Variants in ALDH1A2 observed in about 807,000 individuals in gnomAD.
ALDH1A2 encodes the protein aldehyde dehydrogenase 1 family member A2.
Under a neutral mutation model 60.3 loss-of-function variants are expected in ALDH1A2, and 27 were observed. The observed-to-expected ratio is 0.45, with a 90% CI of 0.33 to 0.62. The LOEUF (loss-of-function observed/expected upper bound fraction) is 0.62. ALDH1A2 is among the 20% of genes least tolerant of loss of function. ALDH1A2 has a pLI of 0.02. For synonymous variants in ALDH1A2, 289 were observed against 232.4 expected (o/e 1.24, Z -2.21); for missense variants, 581 against 643.8 (o/e 0.90, Z 1.06).
At chr15:58,044,351 TG>T (rs1446570448) in intron 1 of ALDH1A2, among the ~76,000 whole-genome samples, 1 of 151,918 alleles carries the variant, frequency 6.6e-6, no homozygotes, top group East Asian at 1.9e-4. Flanking sequence ...TTCCCCTCCC[TG>T]TGTCCACGGG....
chr15:58,007,319 A>T (rs12591715), intron 4 of ALDH1A2, among the ~76,000 whole-genome samples: 11,727 of 152,018 alleles, frequency 0.077, 466 homozygotes, highest in East Asian at 0.13. Context: ...AATAAACCAT[A>T]TATTAGTATA....
At chr15:57,965,651 T>C in intron 8 of ALDH1A2, 74 bp downstream of exon 8, 1 of 1,093,692 alleles carries the variant, frequency 9.1e-7, no homozygotes. Context: ...TAGTGTCCCA[T>C]CAAAAGTGGA....
chr15:57,961,864 C>A, intron 10 of ALDH1A2, 148 bp downstream of exon 10: 1 of 1,151,248 alleles, frequency 8.7e-7, no homozygotes, highest in South Asian at 1.4e-5. Flanking sequence ...CTTCTTGAAA[C>A]TGGAATTTTC....
intron 4 of ALDH1A2, among the ~76,000 whole-genome samples, chr15:57,997,578 C>T (rs965598832): frequency 1.3e-5 from 2 of 152,088 alleles, no homozygotes; most frequent in South Asian, 2.1e-4. Context: ...AAGGCAACTA[C>T]ACAAGCACTG....
At chr15:58,001,503 G>A (rs770003374) in intron 4 of ALDH1A2, among the ~76,000 whole-genome samples, 3 of 151,984 alleles carry the variant, frequency 2.0e-5, no homozygotes, top group East Asian at 1.9e-4. Flanking sequence ...AGGACTAAGC[G>A]CCTCTCTCCC....
intron 7 of ALDH1A2, among the ~76,000 whole-genome samples, chr15:57,971,377 T>G (rs1307827970): frequency 6.6e-6 from 1 of 152,208 alleles, no homozygotes; most frequent in African/African-American, 2.4e-5. Context: ...ATTGTGCTTG[T>G]TTAATAGCTG....
chr15:58,025,507 G>A (rs1896056859), intron 1 of ALDH1A2, among the ~76,000 whole-genome samples: 1 of 152,242 alleles, frequency 6.6e-6, no homozygotes, highest in South Asian at 2.1e-4. Flanking sequence ...CAGCAATATT[G>A]AATCAGTAAT....
At chr15:57,978,444 CAT>C (rs1176726064) in intron 7 of ALDH1A2, among the ~76,000 whole-genome samples, 1 of 152,178 alleles carries the variant, frequency 6.6e-6, no homozygotes, top group African/African-American at 2.4e-5. Context: ...CTGAGATAAT[CAT>C]GTGGTTTTTG....
chr15:58,010,660 G>C lies in ALDH1A2; in HGVS notation c.482C>G (p.Thr161Ser), dbSNP rs902141007. ...AGWADKIHGM[T>S]IPVDGDYFTF... ...CAGATTTCACATACCTACAGGAATG[G>C]TCATCCCATGAATTTTATCAGCCCA... The change falls in exon 4 of 13, where the codon ACC becomes AGC. Residue 161 changes from threonine (T) to serine (S), a missense_variant. Around this residue, in one of 2 missense-constraint regions of ALDH1A2, gnomAD observed 375 missense variants for 469.7 expected, o/e 0.80. Transcript: ENST00000249750. 9.3e-6 allele frequency: 15 copies of C among 1,613,116 alleles called. No homozygotes were observed. The highest frequency in any genetic ancestry group is 5.0e-5 in the Admixed American group (3 of 59,962).
intron 7 of ALDH1A2, among the ~76,000 whole-genome samples, chr15:57,975,599 T>C (rs910163220): frequency 3.3e-5 from 5 of 152,214 alleles, no homozygotes; most frequent in Admixed American, 1.3e-4. Context: ...AGATTTCAGA[T>C]TTTTTGAATT....
intron 4 of ALDH1A2, among the ~76,000 whole-genome samples, chr15:58,005,808 G>C (rs759665237): frequency 3.6e-4 from 54 of 151,686 alleles, no homozygotes; most frequent in Non-Finnish European, 8.8e-5. Flanking sequence ...ATATGATTAG[G>C]ATCTAGGCAG....
intron 10 of ALDH1A2, among the ~76,000 whole-genome samples, chr15:57,961,525 C>T (rs1893719430): frequency 6.6e-6 from 1 of 152,180 alleles, no homozygotes; most frequent in South Asian, 2.1e-4. Flanking sequence ...CTTGATTCCA[C>T]TGTGTATACT....
At chr15:58,029,839 A>G (rs1332424512) in intron 1 of ALDH1A2, among the ~76,000 whole-genome samples, 1 of 152,212 alleles carries the variant, frequency 6.6e-6, no homozygotes, top group Non-Finnish European at 1.5e-5. Flanking sequence ...ATAAACCAGG[A>G]AGAAGCTGAA....
intron 1 of ALDH1A2, among the ~76,000 whole-genome samples, chr15:58,048,488 G>C (rs1292719929): frequency 1.3e-5 from 2 of 152,078 alleles, no homozygotes; most frequent in East Asian, 3.9e-4. Context: ...AGGACAGTTT[G>C]GTCAGCCTTT....
At chr15:58,024,133 T>C (rs1595673791) in intron 1 of ALDH1A2, among the ~76,000 whole-genome samples, 4 of 151,034 alleles carry the variant, frequency 2.6e-5, no homozygotes. Context: ...AATATGGAAG[T>C]ATAAAACTCA....
rs1895772207 is a variant in ALDH1A2 at position 58,015,746 on chromosome 15, G to A, written c.118-1465C>T. On this transcript the variant is annotated intron_variant, in intron 1 of 12. Coordinates refer to ENST00000249750, the MANE Select transcript of ALDH1A2 (RefSeq NM_003888.4). ...AGGGAGCTTGAGTCCAAAGAAGCAG[G>A]TTCTTGTTGTGGCTGACTCAACAAT... 2.6e-5 allele frequency among the ~76,000 whole-genome samples: 4 copies of A among 152,100 alleles called. No homozygotes were observed. In the South Asian group the frequency reaches 6.2e-4, roughly 24 times the overall value.
chr15:58,047,139 A>C (rs1896658434), intron 1 of ALDH1A2, among the ~76,000 whole-genome samples: 2 of 152,054 alleles, frequency 1.3e-5, no homozygotes, highest in South Asian at 4.1e-4. Context: ...GGAATTCTCA[A>C]AGCAGCAGGT....
In ALDH1A2 at chr15:57,983,813, A is replaced by C. The variant is rs34381215; in HGVS notation, c.798+8892T>G. ...ATAAAACACCACCTTTGCCTCTCCA[A>C]GATCTATAAGTGCTTGATAAATGTT... On this transcript the variant is annotated intron_variant, in intron 7 of 12. Transcript: ENST00000249750. Among the ~76,000 whole-genome samples the C allele has an allele frequency of 8.3e-3, 1,257 of 152,300 alleles. 21 individuals are homozygous for C. Among genetic ancestry groups the C allele is most frequent in the African/African-American group, 0.028 (1,146 of 41,570 alleles).
intron 1 of ALDH1A2, among the ~76,000 whole-genome samples, chr15:58,028,712 A>T (rs1468270342): frequency 6.6e-6 from 1 of 152,190 alleles, no homozygotes; most frequent in African/African-American, 2.4e-5. Context: ...AATATCTACC[A>T]AGCAAATGGA....
Sources: gnomAD v4.1 joint callset for allele counts (sites outside exome capture counted in the v4.1 genomes callset) on GRCh38, gnomAD v4.1.1 for gene constraint, gnomAD v4.1.1 regional missense constraint, MANE v1.5 for transcripts, NCBI Gene and HGNC (gene_info 2026-07-23, HGNC 2026-07-21) for gene names.